Variants in CSMD2 observed in about 807,000 individuals in gnomAD.
The protein encoded by CSMD2 is CUB and Sushi multiple domains 2.
CSMD2 carries 130 observed loss-of-function variants against 398.5 expected under a neutral mutation model. The ratio of observed to expected loss-of-function variants is 0.33; its 90% CI spans 0.28 to 0.38. CSMD2 has a LOEUF of 0.38. Among genes scored for constraint, CSMD2 ranks in the 10% least tolerant of loss-of-function variants. The pLI is 1.00. For synonymous variants in CSMD2, 1,828 were observed against 1,908.5 expected, an observed-to-expected ratio of 0.96 and a Z score of 1.10; for missense variants, 3,829 against 4,764.9, an observed-to-expected ratio of 0.80 and a Z score of 5.78.
At chr1:33,733,687 G>A (rs1054164029) in intron 15 of CSMD2, among the ~76,000 whole-genome samples, 3 of 152,268 alleles carry the variant, frequency 2.0e-5, no homozygotes, top group Admixed American at 6.5e-5. Context: ...AGATTTGATG[G>A]TTTGCATCTG....
chr1:33,708,914 T>A (rs992901879), intron 22 of CSMD2, among the ~76,000 whole-genome samples, 175 bp downstream of exon 22: 1 of 152,176 alleles, frequency 6.6e-6, no homozygotes, highest in African/African-American at 2.4e-5. Flanking sequence ...TATTCTTAGA[T>A]ACCCATATAC....
intron 64 of CSMD2, among the ~76,000 whole-genome samples, chr1:33,529,840 A>T (rs1655087614): frequency 6.6e-6 from 1 of 152,194 alleles, no homozygotes; most frequent in Admixed American, 6.5e-5. Context: ...GAGCGAAAAG[A>T]CACCCCGTGA....
chr1:33,845,668 C>T (rs2125075413), intron 6 of CSMD2, among the ~76,000 whole-genome samples: 1 of 152,348 alleles, frequency 6.6e-6, no homozygotes, highest in African/African-American at 2.4e-5. Context: ...CAGGGTAAGC[C>T]TTTGTTAAGC....
intron 5 of CSMD2, among the ~76,000 whole-genome samples, chr1:33,911,838 G>T (rs1346272169): frequency 6.6e-6 from 1 of 152,166 alleles, no homozygotes; most frequent in Non-Finnish European, 1.5e-5. Flanking sequence ...CCAGAGCCCC[G>T]GGGTGGGTGC....
chr1:33,760,467 T>C (rs1649681677), intron 13 of CSMD2, among the ~76,000 whole-genome samples: 1 of 152,160 alleles, frequency 6.6e-6, no homozygotes, highest in Admixed American at 6.5e-5. Flanking sequence ...AGACCATAAG[T>C]TCTTTGGAAA....
At chr1:34,046,957 C>T (rs1381774981) in intron 2 of CSMD2, among the ~76,000 whole-genome samples, 2 of 152,112 alleles carry the variant, frequency 1.3e-5, no homozygotes, top group African/African-American at 2.4e-5. Flanking sequence ...CTGCAGTAAC[C>T]TCCTAACCAG....
intron 9 of CSMD2, among the ~76,000 whole-genome samples, chr1:33,817,922 A>G (rs916900335): frequency 3.9e-5 from 6 of 152,228 alleles, no homozygotes; most frequent in South Asian, 2.1e-4. Context: ...CTTAGTTACA[A>G]TGCAGCAGAG....
chr1:33,794,153 G>T (rs539970954), intron 10 of CSMD2, among the ~76,000 whole-genome samples: 1 of 152,286 alleles, frequency 6.6e-6, no homozygotes, highest in East Asian at 1.9e-4. Context: ...CAGGGACCCT[G>T]CAGAGCCTTA....
At chr1:33,953,490 C>T (rs960349844) in intron 3 of CSMD2, among the ~76,000 whole-genome samples, 1 of 152,162 alleles carries the variant, frequency 6.6e-6, no homozygotes, top group African/African-American at 2.4e-5. Context: ...CAGGAACCTG[C>T]CCTCTCTAAG....
chr1:33,629,834 C>T (rs549040045), intron 32 of CSMD2, among the ~76,000 whole-genome samples: 1 of 152,126 alleles, frequency 6.6e-6, no homozygotes, highest in South Asian at 2.1e-4. Context: ...CCTCCACCTC[C>T]CGGGTTCAAG....
intron 12 of CSMD2, among the ~76,000 whole-genome samples, chr1:33,776,964 G>A (rs185983465): frequency 2.0e-5 from 3 of 152,154 alleles, no homozygotes; most frequent in African/African-American, 7.2e-5. Context: ...CTGAAAGGAA[G>A]TGAGAAGGTC....
chr1:33,582,100 T>C (rs139998689), intron 47 of CSMD2, among the ~76,000 whole-genome samples: 39 of 152,188 alleles, frequency 2.6e-4, no homozygotes, highest in African/African-American at 9.2e-4. Flanking sequence ...AAAACCTGAG[T>C]AACTAATGGC....
At chr1:33,806,658 G>A (rs918886471) in intron 10 of CSMD2, among the ~76,000 whole-genome samples, 8 of 152,136 alleles carry the variant, frequency 5.3e-5, no homozygotes, top group Admixed American at 1.3e-4. Flanking sequence ...ATTCAAGAAT[G>A]ATCTAAACAT....
In CSMD2 at chr1:34,087,199, T is replaced by C. The variant is rs939740500; in HGVS notation, c.404+1778A>G. Reference sequence around the variant, plus strand: ...CCTACATGGGATACCACACCATACATGATATTCCATGATTCAGCTCTCTGC... The same window carrying C: ...CCTACATGGGATACCACACCATACACGATATTCCATGATTCAGCTCTCTGC... On this transcript the variant is annotated intron_variant, in intron 2 of 70. Transcript: ENST00000373381. Among the ~76,000 whole-genome samples the C allele has an allele frequency of 2.6e-5, 4 of 152,000 alleles. No individual in the cohort carries two copies. In the South Asian group the frequency reaches 8.3e-4, roughly 32 times the overall value.
chr1:34,153,802 G>A (rs1475191904), intron 1 of CSMD2, among the ~76,000 whole-genome samples: 2 of 152,202 alleles, frequency 1.3e-5, no homozygotes, highest in Non-Finnish European at 2.9e-5. Flanking sequence ...AGCCCTGCAA[G>A]GGAGTGGGCC....
chr1:33,895,638 G>A (rs1234186386), intron 5 of CSMD2, among the ~76,000 whole-genome samples: 1 of 152,154 alleles, frequency 6.6e-6, no homozygotes, highest in Non-Finnish European at 1.5e-5. Context: ...GAGGCAGGGG[G>A]ACTTGGTGCA....
intron 44 of CSMD2, among the ~76,000 whole-genome samples, chr1:33,593,457 G>A (rs1215606864): frequency 6.6e-6 from 1 of 152,214 alleles, no homozygotes; most frequent in Non-Finnish European, 1.5e-5. Context: ...CATAATCATG[G>A]TGGAAGTTGA....
Position 33,521,391 on chromosome 1 carries a change from C to T in CSMD2, c.10597+72G>A, listed in dbSNP as rs1460111928. 4.8e-5 allele frequency: 51 copies of T among 1,072,936 alleles called. No homozygotes were observed. In the East Asian group the frequency reaches 1.2e-3, roughly 25 times the overall value. 66.5% of individuals were successfully genotyped at this position (1,072,936 alleles called of 1,614,324 possible). A position where few individuals can be genotyped will look rare whatever the true frequency, so the allele number is the denominator to read the frequency against. ...ACTGTTCAACTTCCCCAGTCCTCTACCTGACCACGGCACACACGGTTTCTC... is the reference window on the plus strand; with the variant it reads ...ACTGTTCAACTTCCCCAGTCCTCTATCTGACCACGGCACACACGGTTTCTC... On this transcript the variant is annotated intron_variant, in intron 68 of 70. Transcript: ENST00000373381.
intron 3 of CSMD2, among the ~76,000 whole-genome samples, chr1:33,939,324 G>A (rs1644589894): frequency 6.6e-6 from 1 of 152,166 alleles, no homozygotes; most frequent in South Asian, 2.1e-4. Context: ...CTCACTTGGT[G>A]TTTCCCATAA....
Sources: gnomAD v4.1 joint callset for allele counts (sites outside exome capture counted in the v4.1 genomes callset) on GRCh38, gnomAD v4.1.1 for gene constraint, MANE v1.5 for transcripts, NCBI Gene and HGNC (gene_info 2026-07-23, HGNC 2026-07-21) for gene names.